Variants in FHOD3 observed in about 807,000 individuals in gnomAD.
FHOD3 encodes formin homology 2 domain containing 3.
In FHOD3, 90 loss-of-function variants were observed where a neutral mutation model predicts 173.0. The ratio of observed to expected loss-of-function variants is 0.52; its 90% confidence interval spans 0.44 to 0.62. The LOEUF is 0.62. Among genes scored for constraint, FHOD3 ranks in the 20% least tolerant of loss-of-function variants. The pLI is 0.00. For synonymous variants in FHOD3, 828 were observed against 823.0 expected (o/e 1.01, Z -0.10); for missense variants, 1,945 against 2,034.7 (o/e 0.96, Z 0.85).
At chr18:36,391,586 G>A (rs531460886) in intron 3 of FHOD3, among the ~76,000 whole-genome samples, 1 of 152,308 alleles carries the variant, frequency 6.6e-6, no homozygotes, top group East Asian at 1.9e-4. Flanking sequence ...CCTGGGGTTT[G>A]TAACCAGACA....
chr18:36,739,052 G>A (rs185104420), intron 20 of FHOD3, among the ~76,000 whole-genome samples: 27 of 152,290 alleles, frequency 1.8e-4, no homozygotes, highest in African/African-American at 6.5e-4. Context: ...AAAAACCACA[G>A]ATGGTGACAA....
intron 5 of FHOD3, among the ~76,000 whole-genome samples, chr18:36,537,221 A>G (rs567685503): frequency 1.3e-5 from 2 of 152,344 alleles, no homozygotes; most frequent in East Asian, 3.9e-4. Flanking sequence ...TGAGAAGCCT[A>G]TGAAGTCTTT....
At chr18:36,554,445 A>G (rs983502842) in intron 5 of FHOD3, among the ~76,000 whole-genome samples, 41 of 140,002 alleles carry the variant, frequency 2.9e-4, no homozygotes, top group Non-Finnish European at 1.4e-4. Flanking sequence ...ATGAGAACAC[A>G]TGGACACAGG....
intron 24 of FHOD3, among the ~76,000 whole-genome samples, chr18:36,750,831 C>G (rs553219099): frequency 6.6e-6 from 1 of 152,262 alleles, no homozygotes; most frequent in South Asian, 2.1e-4. Context: ...CTATTCTGTT[C>G]CATTGGTCTA....
intron 5 of FHOD3, among the ~76,000 whole-genome samples, chr18:36,525,617 A>G (rs2056475547): frequency 1.3e-5 from 2 of 152,254 alleles, no homozygotes; most frequent in Admixed American, 1.3e-4. Context: ...TAAATTTGGT[A>G]CAGAATACTC....
At chr18:36,623,107 C>G (rs2033837695) in intron 9 of FHOD3, among the ~76,000 whole-genome samples, 1 of 152,164 alleles carries the variant, frequency 6.6e-6, no homozygotes, top group Non-Finnish European at 1.5e-5. Context: ...TATGGTGTTG[C>G]CTTGATAATT....
intron 27 of FHOD3, among the ~76,000 whole-genome samples, chr18:36,764,893 C>G (rs564863132): frequency 9.2e-5 from 14 of 152,152 alleles, no homozygotes; most frequent in Non-Finnish European, 2.1e-4. Flanking sequence ...GGAAAGAGGA[C>G]TAGACAAACT....
intron 3 of FHOD3, among the ~76,000 whole-genome samples, chr18:36,477,069 G>A (rs1024477936): frequency 4.6e-5 from 7 of 152,186 alleles, no homozygotes. Context: ...ATCTGGTGAG[G>A]GTGGATTTCA....
At chr18:36,667,713 G>T (rs1261673217) in intron 14 of FHOD3, among the ~76,000 whole-genome samples, 2 of 152,128 alleles carry the variant, frequency 1.3e-5, no homozygotes, top group African/African-American at 4.8e-5. Flanking sequence ...GAACATTACT[G>T]TTCATGCCTA....
chr18:36,649,179 G>GTT (rs34031986), intron 10 of FHOD3, 137 bp from the exon 11 acceptor site: 5,170 of 489,722 alleles, frequency 0.011, 14 homozygotes, highest in Non-Finnish European at 0.014. Context: ...CAGCTGGGTG[G>GTT]TTTTTTTTTT....
chr18:36,552,021 C>T (rs2057677866), intron 5 of FHOD3, among the ~76,000 whole-genome samples: 1 of 152,108 alleles, frequency 6.6e-6, no homozygotes, highest in African/African-American at 2.4e-5. Flanking sequence ...TAGTTTTTCC[C>T]AATTCTGTGA....
At chr18:36,637,498 C>T (rs574151551) in intron 10 of FHOD3, among the ~76,000 whole-genome samples, 3 of 152,196 alleles carry the variant, frequency 2.0e-5, no homozygotes, top group East Asian at 3.9e-4. Flanking sequence ...TCACGTGACC[C>T]GCCTGCCTCA....
chr18:36,333,706 C>CAG (rs1464773177), intron 1 of FHOD3, among the ~76,000 whole-genome samples: 3 of 152,178 alleles, frequency 2.0e-5, no homozygotes, highest in African/African-American at 7.2e-5. Context: ...ATTAGAAATG[C>CAG]AGACTTTTGA....
At chr18:36,530,197 A>C (rs1034291452) in intron 5 of FHOD3, among the ~76,000 whole-genome samples, 6 of 152,206 alleles carry the variant, frequency 3.9e-5, no homozygotes, top group African/African-American at 1.2e-4. Flanking sequence ...AATAAAGTGA[A>C]TCCTTGTGCA....
At chr18:36,735,800 TGTAGCCAG>T (rs1248292822) in intron 20 of FHOD3, among the ~76,000 whole-genome samples, 2 of 152,364 alleles carry the variant, frequency 1.3e-5, no homozygotes, top group African/African-American at 4.8e-5. Flanking sequence ...TATACAAAGC[TGTAGCCAG>T]TGTTCTGTTT....
intron 1 of FHOD3, among the ~76,000 whole-genome samples, chr18:36,302,981 A>G (rs2091993549): frequency 6.6e-6 from 1 of 152,234 alleles, no homozygotes; most frequent in South Asian, 2.1e-4. Context: ...CACAGACCAT[A>G]TCGGTAACCT....
At chr18:36,569,400 G>C (rs146655871) in intron 5 of FHOD3, among the ~76,000 whole-genome samples, 1 of 152,226 alleles carries the variant, frequency 6.6e-6, no homozygotes, top group Non-Finnish European at 1.5e-5. Flanking sequence ...AATGACAAAA[G>C]AATCAGGTCA....
rs774960192 is a variant in FHOD3 at position 36,769,439 on chromosome 18, A to G, written c.4786+13A>G. On this transcript the variant is annotated intron_variant, in intron 28 of 28. Coordinates refer to ENST00000590592, the MANE Select transcript of FHOD3 (RefSeq NM_001281740.3). ...AACCGGAAATCTTGTGAGTGCATTA[A>G]AGGAGGGGCGAGCCTTCACCCCTAC... The G allele has an allele frequency of 6.2e-7, 1 of 1,613,272 alleles. No homozygotes were observed. Among genetic ancestry groups the G allele is most frequent in the Non-Finnish European group, 8.5e-7 (1 of 1,179,602 alleles).
chr18:36,399,680 G>A (rs573721712), intron 3 of FHOD3, among the ~76,000 whole-genome samples: 3 of 152,128 alleles, frequency 2.0e-5, no homozygotes, highest in Admixed American at 6.5e-5. Flanking sequence ...AGCCCCCTCC[G>A]CTTTTCTTCT....
Sources: gnomAD v4.1 joint callset for allele counts (sites outside exome capture counted in the v4.1 genomes callset) on GRCh38, gnomAD v4.1.1 for gene constraint, MANE v1.5 for transcripts, NCBI Gene and HGNC (gene_info 2026-07-23, HGNC 2026-07-21) for gene names.